The following DLG2 variants were observed in gnomAD, a reference collection of about 807,000 sequenced individuals.
DLG2 encodes the protein discs large MAGUK scaffold protein 2.
A neutral mutation model predicts 132.5 loss-of-function variants in DLG2; 45 were observed. The ratio of observed to expected loss-of-function variants is 0.34; its 90% CI spans 0.27 to 0.44. DLG2 has a LOEUF of 0.44. Ranked by LOEUF, DLG2 falls within the 20% of genes least tolerant of loss-of-function variation. The pLI, the probability that DLG2 is intolerant of heterozygous loss-of-function variation, is 1.00. For synonymous variants in DLG2, 424 were observed against 419.6 expected, an observed-to-expected ratio of 1.01 and a Z score of -0.13; for missense variants, 1,045 against 1,196.9, an observed-to-expected ratio of 0.87 and a Z score of 1.87.
intron 11 of DLG2, among the ~76,000 whole-genome samples, chr11:84,026,003 TAA>T (rs922320277): frequency 6.6e-6 from 1 of 151,858 alleles, no homozygotes; most frequent in East Asian, 1.9e-4. Context: ...TTCTGAAACT[TAA>T]AAAAAATTAT....
At chr11:84,782,522 C>A (rs1040161322) in intron 6 of DLG2, among the ~76,000 whole-genome samples, 5 of 151,894 alleles carry the variant, frequency 3.3e-5, no homozygotes, top group Admixed American at 3.3e-4. Flanking sequence ...TAGTGAATAA[C>A]TGAAGCTTAG....
At chr11:85,432,269 C>A (rs1388479093) in intron 3 of DLG2, among the ~76,000 whole-genome samples, 1 of 152,104 alleles carries the variant, frequency 6.6e-6, no homozygotes, top group African/African-American at 2.4e-5. Flanking sequence ...GCCTCTTCTC[C>A]TCCAAATGAT....
At chr11:85,481,879 TC>T (rs1341716527) in intron 3 of DLG2, among the ~76,000 whole-genome samples, 1 of 151,782 alleles carries the variant, frequency 6.6e-6, no homozygotes, top group African/African-American at 2.4e-5. Context: ...AGCCCCAGAC[TC>T]CTGGCTGCTA....
At chr11:85,394,146 C>A (rs1204611840) in intron 3 of DLG2, among the ~76,000 whole-genome samples, 1 of 152,104 alleles carries the variant, frequency 6.6e-6, no homozygotes, top group Non-Finnish European at 1.5e-5. Context: ...TCCTTTTTAT[C>A]TTTTTGTTTA....
At chr11:84,597,002 C>T (rs936145747) in intron 6 of DLG2, among the ~76,000 whole-genome samples, 6 of 152,102 alleles carry the variant, frequency 3.9e-5, no homozygotes, top group Admixed American at 3.9e-4. Context: ...GGGCGGATCA[C>T]CTGAGGTCAG....
chr11:84,807,410 C>T (rs543678183), intron 6 of DLG2, among the ~76,000 whole-genome samples: 110 of 152,208 alleles, frequency 7.2e-4, no homozygotes, highest in African/African-American at 2.5e-3. Context: ...TGTGCCATTG[C>T]ACTCCAGCCT....
intron 16 of DLG2, among the ~76,000 whole-genome samples, chr11:83,847,711 G>A (rs1265537411): frequency 1.3e-5 from 2 of 152,106 alleles, no homozygotes; most frequent in African/African-American, 4.8e-5. Context: ...CATTTCACAT[G>A]CTTGCTTAAT....
At chr11:85,046,204 A>C (rs1222042196) in intron 6 of DLG2, among the ~76,000 whole-genome samples, 3 of 152,064 alleles carry the variant, frequency 2.0e-5, no homozygotes, top group African/African-American at 7.2e-5. Context: ...AAAATAATTT[A>C]GTTTCTATCT....
intron 6 of DLG2, among the ~76,000 whole-genome samples, chr11:84,803,434 T>C (rs2075649672): frequency 6.6e-6 from 1 of 152,176 alleles, no homozygotes; most frequent in Non-Finnish European, 1.5e-5. Flanking sequence ...TCTAATACTG[T>C]CAATTATATG....
chr11:83,587,013 C>G (rs1298639186), intron 19 of DLG2, among the ~76,000 whole-genome samples: 2 of 152,200 alleles, frequency 1.3e-5, no homozygotes, highest in Non-Finnish European at 2.9e-5. Flanking sequence ...CCTGACTCCT[C>G]TTCTTCTAGT....
intron 15 of DLG2, among the ~76,000 whole-genome samples, chr11:83,925,278 G>A (rs1831349860): frequency 6.6e-6 from 1 of 152,106 alleles, no homozygotes; most frequent in African/African-American, 2.4e-5. Context: ...CTTTGCTTCT[G>A]TGTACAGGCT....
chr11:85,150,286 C>T (rs1255741675), intron 5 of DLG2, among the ~76,000 whole-genome samples: 2 of 152,014 alleles, frequency 1.3e-5, no homozygotes, highest in Admixed American at 6.6e-5. Flanking sequence ...TCCCAAAGTA[C>T]TGGGATTACA....
intron 17 of DLG2, among the ~76,000 whole-genome samples, chr11:83,823,858 A>C (rs1485141285): frequency 6.6e-6 from 1 of 152,128 alleles, no homozygotes; most frequent in Non-Finnish European, 1.5e-5. Context: ...GTCTCCTTTT[A>C]AATGCTCTTT....
chr11:83,552,624 G>A (rs1051987031), intron 19 of DLG2, among the ~76,000 whole-genome samples: 5 of 152,044 alleles, frequency 3.3e-5, no homozygotes, highest in African/African-American at 7.2e-5. Context: ...AGTGGAAGCC[G>A]CCTCTGTAAT....
intron 4 of DLG2, among the ~76,000 whole-genome samples, chr11:85,202,330 T>C (rs2081534288): frequency 6.6e-6 from 1 of 152,032 alleles, no homozygotes; most frequent in South Asian, 2.1e-4. Flanking sequence ...TCAAATAACA[T>C]ACAAGGCAGA....
chr11:84,405,712 A>T (rs943010071), intron 7 of DLG2, among the ~76,000 whole-genome samples: 1 of 152,194 alleles, frequency 6.6e-6, no homozygotes, highest in Non-Finnish European at 1.5e-5. Flanking sequence ...ACTAGAAAGT[A>T]CTAAGGGGGA....
intron 6 of DLG2, among the ~76,000 whole-genome samples, chr11:84,550,147 CACAT>C (rs949955306): frequency 1.3e-5 from 2 of 149,846 alleles, no homozygotes; most frequent in African/African-American, 4.9e-5. Context: ...CACACACACA[CACAT>C]ACACACACAT....
chr11:84,899,617 T>C (rs1188855501), intron 6 of DLG2, among the ~76,000 whole-genome samples: 2 of 152,034 alleles, frequency 1.3e-5, no homozygotes, highest in Non-Finnish European at 2.9e-5. Flanking sequence ...TATAAACCAT[T>C]ATATTACATA....
chr11:84,924,573 G>C (rs868382272), intron 6 of DLG2, among the ~76,000 whole-genome samples: 6 of 152,192 alleles, frequency 3.9e-5, no homozygotes, highest in Admixed American at 1.3e-4. Context: ...GTATTTCAGG[G>C]AGAGAAATTA....
Sources: gnomAD v4.1 joint callset for allele counts (sites outside exome capture counted in the v4.1 genomes callset) on GRCh38, gnomAD v4.1.1 for gene constraint, MANE v1.5 for transcripts, NCBI Gene and HGNC (gene_info 2026-07-23, HGNC 2026-07-21) for gene names.